Variants in ADGB observed in about 807,000 individuals in gnomAD.
The protein encoded by ADGB is androglobin, also known as calpain-7-like protein.
A neutral mutation model predicts 210.5 loss-of-function variants in ADGB; 172 were observed. The ratio of observed to expected loss-of-function variants is 0.82; its 90% CI spans 0.72 to 0.93. ADGB has a LOEUF of 0.93. Ranked by LOEUF, ADGB falls within the 40% of genes least tolerant of loss-of-function variation. The pLI, the probability that ADGB is intolerant of heterozygous loss-of-function variation, is 0.00. For synonymous variants in ADGB, 658 were observed against 662.7 expected (o/e 0.99, Z 0.11); for missense variants, 2,025 against 1,964.8 (o/e 1.03, Z -0.58).
At chr6:146,742,508 A>G (rs534371429) in intron 25 of ADGB, among the ~76,000 whole-genome samples, 5 of 152,106 alleles carry the variant, frequency 3.3e-5, no homozygotes, top group Non-Finnish European at 7.4e-5. Context: ...TTGTGCAGTT[A>G]TCTATATTTG....
chr6:146,793,494 C>T (rs924903899), intron 33 of ADGB, among the ~76,000 whole-genome samples: 8 of 152,162 alleles, frequency 5.3e-5, no homozygotes, highest in Admixed American at 1.3e-4. Flanking sequence ...CTCTCTAGGC[C>T]AGTCAAACAG....
At position 146,684,497 on chromosome 6, in the gene ADGB, A is replaced by G. The variant is rs529088116; in HGVS notation, c.1217-1237A>G. Among the ~76,000 whole-genome samples the G allele has an allele frequency of 2.6e-5, 4 of 152,092 alleles. No individual in the cohort carries two copies. In the East Asian group the frequency reaches 7.7e-4, roughly 29 times the overall value. ...TCACTGCTGAGGGCCATTCTGGTCAATGTGGGTATCTCAAATGGTCTTATC... is the reference window on the plus strand; with the variant it reads ...TCACTGCTGAGGGCCATTCTGGTCAGTGTGGGTATCTCAAATGGTCTTATC... On this transcript the variant is annotated intron_variant, in intron 9 of 35. Transcript: ENST00000397944.
chr6:146,768,306 A>G (rs1331811737), intron 28 of ADGB, among the ~76,000 whole-genome samples: 1 of 152,232 alleles, frequency 6.6e-6, no homozygotes, highest in African/African-American at 2.4e-5. Flanking sequence ...AACTTGGGGA[A>G]AAAAGAGCAA....
intron 12 of ADGB, among the ~76,000 whole-genome samples, chr6:146,694,496 G>T (rs1330124821): frequency 2.0e-5 from 3 of 152,074 alleles, no homozygotes; most frequent in Non-Finnish European, 4.4e-5. Flanking sequence ...CAGGGTTTAG[G>T]ATCTCAACAT....
At chr6:146,603,163 A>G (rs1198693854) in intron 1 of ADGB, among the ~76,000 whole-genome samples, 1 of 152,192 alleles carries the variant, frequency 6.6e-6, no homozygotes. Context: ...GAGAGGAGAC[A>G]CAGATATGCA....
intron 1 of ADGB, among the ~76,000 whole-genome samples, chr6:146,608,418 T>C (rs1780661148): frequency 6.6e-6 from 1 of 152,154 alleles, no homozygotes; most frequent in Non-Finnish European, 1.5e-5. Flanking sequence ...CTTCTAGCTT[T>C]GTGGTTGGTT....
Position 146,721,383 on chromosome 6 carries a change from A to G in ADGB, c.1993-20A>G. The G allele has an allele frequency of 2.1e-6, 3 of 1,408,242 alleles. No homozygotes were observed. Among genetic ancestry groups the G allele is most frequent in the East Asian group, 2.5e-5 (1 of 40,252 alleles). The allele number at this position is 1,408,242 out of a possible 1,614,324, so 87.2% of individuals were successfully genotyped here. ...TGATGAACTGATATTAAGTATGACAACTGGTCTAATTTCTTGCAGTTCTCA... is the reference window on the plus strand; with the variant it reads ...TGATGAACTGATATTAAGTATGACAGCTGGTCTAATTTCTTGCAGTTCTCA... On this transcript the variant is annotated intron_variant, in intron 16 of 35. Transcript: ENST00000397944.
At chr6:146,673,782 G>A (rs1776047441) in intron 8 of ADGB, among the ~76,000 whole-genome samples, 1 of 152,136 alleles carries the variant, frequency 6.6e-6, no homozygotes, top group South Asian at 2.1e-4. Context: ...AAATTGAGGT[G>A]CCTTTAAGAC....
chr6:146,750,210 T>A (rs1777300283), intron 26 of ADGB, among the ~76,000 whole-genome samples: 3 of 152,118 alleles, frequency 2.0e-5, no homozygotes. Context: ...AGGAGAGAAC[T>A]GTACTTATGC....
chr6:146,708,246 G>A (rs1776604644), intron 13 of ADGB, among the ~76,000 whole-genome samples: 1 of 152,052 alleles, frequency 6.6e-6, no homozygotes, highest in African/African-American at 2.4e-5. Context: ...AGATGTAAGT[G>A]ATTTAAACAT....
At chr6:146,692,968 G>A in intron 12 of ADGB, 53 bp downstream of exon 12, 2 of 1,032,588 alleles carry the variant, frequency 1.9e-6, no homozygotes, top group Non-Finnish European at 2.9e-6. Context: ...AATACTTTGT[G>A]ATGTGTCTGG....
chr6:146,635,115 G>A (rs752301805), intron 1 of ADGB, among the ~76,000 whole-genome samples: 1 of 151,708 alleles, frequency 6.6e-6, no homozygotes. Context: ...TTGATAATAC[G>A]GTATATCTTT....
chr6:146,787,401 T>G (rs1777887812), intron 32 of ADGB, among the ~76,000 whole-genome samples: 1 of 152,192 alleles, frequency 6.6e-6, no homozygotes, highest in African/African-American at 2.4e-5. Context: ...TTTAGACTCA[T>G]ATGTACCCCG....
chr6:146,741,585 G>C (rs1040012719), intron 25 of ADGB, among the ~76,000 whole-genome samples: 18 of 152,198 alleles, frequency 1.2e-4, no homozygotes, highest in African/African-American at 4.3e-4. Flanking sequence ...AATCTAAAGA[G>C]CTCCTTTAGC....
chr6:146,689,051 T>C (rs1208485947), intron 10 of ADGB, among the ~76,000 whole-genome samples: 1 of 152,172 alleles, frequency 6.6e-6, no homozygotes, highest in Non-Finnish European at 1.5e-5. Context: ...TTTATGTAGA[T>C]CTGAGAGTTT....
At chr6:146,661,825 A>C (rs1156396730) in intron 5 of ADGB, among the ~76,000 whole-genome samples, 1 of 151,878 alleles carries the variant, frequency 6.6e-6, no homozygotes, top group Admixed American at 6.6e-5. Flanking sequence ...CCTTTATCTG[A>C]GAATGTGTTT....
intron 3 of ADGB, among the ~76,000 whole-genome samples, chr6:146,646,062 T>TG (rs1453504277): frequency 6.6e-6 from 1 of 152,050 alleles, no homozygotes; most frequent in African/African-American, 2.4e-5. Flanking sequence ...AAATAAAGGG[T>TG]GTGAATTCCA....
intron 1 of ADGB, among the ~76,000 whole-genome samples, chr6:146,615,415 A>G (rs1780783578): frequency 6.6e-6 from 1 of 152,052 alleles, no homozygotes; most frequent in Admixed American, 6.5e-5. Flanking sequence ...CACCTCAAAC[A>G]TTTATTGTAT....
rs796930647 is a variant in ADGB at position 146,657,414 on chromosome 6, A to G, written c.612+434A>G. The stretch of plus-strand genomic sequence containing the variant: ...CCATTACTTAGGCTAGTACAAGATA[A>G]TGCAGTTTTTATAGGATATCAATTG... On this transcript the variant is annotated intron_variant, in intron 5 of 35. Coordinates refer to ENST00000397944, the MANE Select transcript of ADGB (RefSeq NM_024694.4). Among the ~76,000 whole-genome samples the G allele has an allele frequency of 3.2e-4, 48 of 152,254 alleles. 1 individual carries two copies. The highest frequency in any genetic ancestry group is 1.1e-3 in the African/African-American group (47 of 41,568).
Sources: allele counts gnomAD v4.1 joint callset (sites outside exome capture counted in the v4.1 genomes callset), GRCh38; gene constraint gnomAD v4.1.1; transcripts MANE v1.5; gene names NCBI Gene and HGNC (gene_info 2026-07-23, HGNC 2026-07-21).